TCF20: variants seen among roughly 807,000 people sequenced by gnomAD.
TCF20 encodes the protein SPRE-binding protein.
A neutral mutation model predicts 148.6 loss-of-function variants in TCF20; 3 were observed. The ratio of observed to expected loss-of-function variants is 0.02; its 90% CI spans 0.01 to 0.05. The LOEUF is 0.05. TCF20 is among the 10% of genes least tolerant of loss of function. The probability of loss-of-function intolerance (pLI) is 1.00; values close to 1 mark genes in which losing one functional copy is unlikely to be tolerated. For missense variants in TCF20, 2,350 were observed against 2,429.3 expected (o/e 0.97, Z 0.69); for synonymous variants, 1,049 against 909.5 (o/e 1.15, Z -2.76).
At chr22:42,234,600 C>CT (rs752658115) in intron 1 of TCF20, among the ~76,000 whole-genome samples, 5 of 152,092 alleles carry the variant, frequency 3.3e-5, no homozygotes, top group Non-Finnish European at 5.9e-5. Context: ...CTAGTTCTTG[C>CT]TTTTTTTAAG....
At chr22:42,316,936 C>T (rs1043929363) in intron 1 of TCF20, among the ~76,000 whole-genome samples, 2 of 152,158 alleles carry the variant, frequency 1.3e-5, no homozygotes, top group East Asian at 1.9e-4. Flanking sequence ...AAGTGCCAGG[C>T]GTCTTTTCCC....
chr22:42,220,429 C>T (rs1161168886), intron 1 of TCF20, among the ~76,000 whole-genome samples: 1 of 152,224 alleles, frequency 6.6e-6, no homozygotes, highest in Admixed American at 6.5e-5. Context: ...AACTCCTGGG[C>T]TCAAGCCATC....
chr22:42,262,041 A>G (rs772071572), intron 1 of TCF20, among the ~76,000 whole-genome samples: 1 of 152,128 alleles, frequency 6.6e-6, no homozygotes, highest in Non-Finnish European at 1.5e-5. Flanking sequence ...GGGGCCTAAA[A>G]AAAAGTGAAT....
At chr22:42,225,870 A>G (rs1023575100) in intron 1 of TCF20, among the ~76,000 whole-genome samples, 20 of 152,176 alleles carry the variant, frequency 1.3e-4, no homozygotes, top group Admixed American at 4.6e-4. Flanking sequence ...GTGTGCACAC[A>G]GGGTCACTAG....
chr22:42,280,115 T>C (rs1302400038), intron 1 of TCF20, among the ~76,000 whole-genome samples: 1 of 152,222 alleles, frequency 6.6e-6, no homozygotes, highest in Non-Finnish European at 1.5e-5. Context: ...GCATCCTTTC[T>C]GGAAAAATCA....
chr22:42,324,941 G>A (rs1324184334), intron 1 of TCF20, among the ~76,000 whole-genome samples: 1 of 152,250 alleles, frequency 6.6e-6, no homozygotes, highest in Non-Finnish European at 1.5e-5. Context: ...GCCAGAAGAA[G>A]CCAGGCTCGG....
Position 42,338,556 on chromosome 22 carries a change from C to T in TCF20, c.-37+4923G>A, listed in dbSNP as rs2147062889. 6.6e-6 allele frequency among the ~76,000 whole-genome samples: 1 copy of T among 152,326 alleles called. No individual in the cohort carries two copies. The highest frequency in any genetic ancestry group is 2.1e-4 in the South Asian group (1 of 4,824). On this transcript the variant is annotated intron_variant, in intron 1 of 1. Coordinates refer to the TCF20 transcript ENST00000515426. This position sits in a 1 kb window ranked among gnomAD's most constrained non-coding sequence, Gnocchi z 4.0. ...CTGGGAAAATAATTACCGAGGAGGC[C>T]CGGGAGGGAGGCGGGGAGGCTGGCG... is the stretch of plus-strand genomic sequence containing the variant.
intron 3 of TCF20, among the ~76,000 whole-genome samples, chr22:42,176,993 T>C (rs1257354552): frequency 6.6e-6 from 1 of 152,226 alleles, no homozygotes; most frequent in South Asian, 2.1e-4. Context: ...GACTAGAAGA[T>C]ACCAAATGTT....
rs1348194006 is a variant in TCF20 at position 42,244,168 on chromosome 22, C to T, written c.-37+26171G>A. ...GTAGTGATCCACGATCATGCCACTGCCCTCCAGCCTGGGCCACACATGGGA... is the reference window on the plus strand; with the variant it reads ...GTAGTGATCCACGATCATGCCACTGTCCTCCAGCCTGGGCCACACATGGGA... On this transcript the variant is annotated intron_variant, in intron 1 of 5. Coordinates refer to ENST00000677622, the MANE Select transcript of TCF20 (RefSeq NM_001378418.1). Among the ~76,000 whole-genome samples, 7 of 152,320 alleles carry T rather than the reference C, an allele frequency of 4.6e-5. No individual in the cohort carries two copies. In the South Asian group the frequency reaches 1.2e-3, roughly 27 times the overall value.
rs767888962 is a variant in TCF20, at chr22:42,212,310, T to G, written c.2996A>C (p.Glu999Ala). 8 of 1,614,048 alleles carry G rather than the reference T, an allele frequency of 5.0e-6. No individual in the cohort carries two copies. Among genetic ancestry groups the G allele is most frequent in the Non-Finnish European group, 6.8e-6 (8 of 1,180,024 alleles). ...AGAAGGGGACCGACCCCTCATGCCC[T>G]CCCGACCACCAACTCTGCCAGGGAC... Reference protein sequence around the residue: ...RRVPGRVGGREGMRGRSPSQY... With the variant: ...RRVPGRVGGRAGMRGRSPSQY... Residue 999 changes from glutamate to alanine, a missense_variant, in exon 2 of 6, where the codon GAG (glutamate) becomes GCG (alanine). Transcript: ENST00000677622.
intron 2 of TCF20, among the ~76,000 whole-genome samples, chr22:42,189,280 C>G (rs1937207889): frequency 6.6e-6 from 1 of 152,164 alleles, no homozygotes; most frequent in Non-Finnish European, 1.5e-5. Context: ...TTGCAGTGAG[C>G]CTGAGTGTGT....
At chr22:42,172,152 T>C (rs1017730840) in intron 3 of TCF20, among the ~76,000 whole-genome samples, 1 of 151,910 alleles carries the variant, frequency 6.6e-6, no homozygotes, top group African/African-American at 2.4e-5. Flanking sequence ...AGGAACACTG[T>C]GCAGACAATG....
intron 2 of TCF20, among the ~76,000 whole-genome samples, chr22:42,190,510 C>T (rs1000614755): frequency 6.6e-6 from 1 of 152,128 alleles, no homozygotes; most frequent in African/African-American, 2.4e-5. Flanking sequence ...AGTACCAGCA[C>T]TGATCCCTAG....
At chr22:42,243,310 A>AAAAAAAAAAAAAAAAAC (rs1569180401) in intron 1 of TCF20, among the ~76,000 whole-genome samples, 6 of 140,858 alleles carry the variant, frequency 4.3e-5, no homozygotes, top group African/African-American at 1.2e-4. Context: ...AAAAAAAAAA[A>AAAAAAAAAAAAAAAAAC]AAAAAAAAAA....
chr22:42,299,833 G>T lies in TCF20; in HGVS notation c.-37+43646C>A, dbSNP rs916393949. ...GGATGGGGGAGGGGAAGAGAGAAGG[G>T]GGAGAAGGAAGCGGAGGGGAGGAGG... On this transcript the variant is annotated intron_variant, in intron 1 of 1. Transcript: ENST00000515426. This position sits in a 1 kb window ranked among gnomAD's most constrained non-coding sequence, Gnocchi z 4.1. Among the ~76,000 whole-genome samples, 2 of 151,574 alleles carry T rather than the reference G, an allele frequency of 1.3e-5. No homozygotes were observed. The highest frequency in any genetic ancestry group is 4.9e-5 in the African/African-American group (2 of 41,192).
At chr22:42,173,831 C>A (rs898466770) in intron 3 of TCF20, among the ~76,000 whole-genome samples, 1 of 152,182 alleles carries the variant, frequency 6.6e-6, no homozygotes, top group South Asian at 2.1e-4. Context: ...TGCACAGCAG[C>A]AGAGGCAGCA....
intron 1 of TCF20, among the ~76,000 whole-genome samples, chr22:42,291,281 C>T (rs1462425447): frequency 6.6e-6 from 1 of 152,190 alleles, no homozygotes; most frequent in Non-Finnish European, 1.5e-5. Context: ...AACCAATGAC[C>T]GCGGTCCAGC....
intron 1 of TCF20, among the ~76,000 whole-genome samples, chr22:42,305,937 C>T (rs537518222): frequency 6.6e-6 from 1 of 152,182 alleles, no homozygotes; most frequent in Non-Finnish European, 1.5e-5. Context: ...CCTGGGGGCT[C>T]GGAGACCTCT....
At position 42,210,813 on chromosome 22, in the gene TCF20, G is replaced by A. The variant is rs774707877; in HGVS notation, c.4493C>T (p.Pro1498Leu). ...CTCAGGGGCCAATATGCCCACTGGAGGTACATTCTTTGAGTCTGGAAAGAT... is the reference window on the plus strand; with the variant it reads ...CTCAGGGGCCAATATGCCCACTGGAAGTACATTCTTTGAGTCTGGAAAGAT... ...PLIFPDSKNV[P>L]PVGILAPEAN... Residue 1498 changes from proline (P) to leucine (L), a missense_variant, in exon 2 of 6, where the codon CCT becomes CTT. Transcript: ENST00000677622. The surrounding 1 kb of genome is among the most constrained non-coding windows in gnomAD (Gnocchi z 4.7). 6.2e-7 allele frequency: 1 copy of A among 1,614,166 alleles called. No homozygotes were observed. Among genetic ancestry groups the A allele is most frequent in the Non-Finnish European group, 8.5e-7 (1 of 1,180,032 alleles).
Sources: gnomAD v4.1 joint callset for allele counts (sites outside exome capture counted in the v4.1 genomes callset) on GRCh38, gnomAD v4.1.1 for gene constraint, Gnocchi (gnomAD v3.1) non-coding constraint, MANE v1.5 for transcripts, NCBI Gene and HGNC (gene_info 2026-07-23, HGNC 2026-07-21) for gene names.